The following RARB variants were observed in gnomAD, a reference collection of about 807,000 sequenced individuals.
RARB encodes the protein HBV-activated protein.
A neutral mutation model predicts 51.9 loss-of-function variants in RARB; 17 were observed. The ratio of observed to expected loss-of-function variants is 0.33; its 90% CI spans 0.22 to 0.49. The LOEUF is 0.49. Ranked by LOEUF, RARB falls within the 20% of genes least tolerant of loss-of-function variation. The pLI, the probability that RARB is intolerant of heterozygous loss-of-function variation, is 0.99. For synonymous variants in RARB, 215 were observed against 195.4 expected (o/e 1.10, Z -0.84); for missense variants, 369 against 550.8 (o/e 0.67, Z 3.30).
At chr3:25,242,624 G>A (rs1702460415) in intron 5 of RARB, among the ~76,000 whole-genome samples, 1 of 152,044 alleles carries the variant, frequency 6.6e-6, no homozygotes, top group African/African-American at 2.4e-5. Flanking sequence ...TTGTAGATGT[G>A]TGGCGTTATT....
At chr3:25,198,373 C>A (rs1375985447) in intron 5 of RARB, among the ~76,000 whole-genome samples, 1 of 152,022 alleles carries the variant, frequency 6.6e-6, no homozygotes, top group Non-Finnish European at 1.5e-5. Flanking sequence ...GCAAAGATAT[C>A]TTGAGCAATA....
At chr3:25,041,760 T>G (rs1698119233) in intron 2 of RARB, among the ~76,000 whole-genome samples, 1 of 152,114 alleles carries the variant, frequency 6.6e-6, no homozygotes, top group Admixed American at 6.5e-5. Context: ...ATTAAAACAT[T>G]ATTGAATGCA....
intron 2 of RARB, among the ~76,000 whole-genome samples, chr3:25,042,226 T>A (rs1698128647): frequency 6.6e-6 from 1 of 152,206 alleles, no homozygotes; most frequent in Non-Finnish European, 1.5e-5. Flanking sequence ...ATTTTTAAAA[T>A]TTTGTATGGC....
At chr3:25,064,246 T>C (rs1257734372) in intron 3 of RARB, among the ~76,000 whole-genome samples, 1 of 152,144 alleles carries the variant, frequency 6.6e-6, no homozygotes, top group Non-Finnish European at 1.5e-5. Flanking sequence ...TGGCAATAGA[T>C]TTCCATTTTT....
intron 2 of RARB, among the ~76,000 whole-genome samples, chr3:24,926,854 C>T (rs1268083101): frequency 1.3e-5 from 2 of 152,040 alleles, no homozygotes; most frequent in East Asian, 3.9e-4. Flanking sequence ...TTAATATATA[C>T]TCCCATCATT....
intron 2 of RARB, among the ~76,000 whole-genome samples, chr3:24,876,057 C>G (rs1206457839): frequency 6.6e-6 from 1 of 152,126 alleles, no homozygotes; most frequent in Non-Finnish European, 1.5e-5. Flanking sequence ...ATATTTTTAA[C>G]TAGAGTTCCA....
At chr3:24,906,554 C>G (rs1694867968) in intron 2 of RARB, among the ~76,000 whole-genome samples, 1 of 152,056 alleles carries the variant, frequency 6.6e-6, no homozygotes, top group Non-Finnish European at 1.5e-5. Context: ...ATCTTTAAAG[C>G]TACGCTGGCT....
rs551475273 is a variant in RARB at position 25,068,964 on chromosome 3, C to T, written c.-328+8788C>T. Among the ~76,000 whole-genome samples, 260 of 151,478 alleles carry T rather than the reference C, an allele frequency of 1.7e-3. 1 individual carries two copies. The highest frequency in any genetic ancestry group is 2.4e-3 in the Non-Finnish European group (165 of 67,892). ...ATTGCATTCAGCCCTCAAGCAGATACACAATTACCCTAAACCCAGTTCAGG... is the reference window on the plus strand; with the variant it reads ...ATTGCATTCAGCCCTCAAGCAGATATACAATTACCCTAAACCCAGTTCAGG... On this transcript the variant is annotated intron_variant, in intron 3 of 11. Coordinates refer to the RARB transcript ENST00000383772.
Position 25,042,290 on chromosome 3 carries a change from G to T in RARB, c.-379-17835G>T, listed in dbSNP as rs182920734. On this transcript the variant is annotated intron_variant, in intron 2 of 11. Coordinates refer to the RARB transcript ENST00000383772. ...CATCAACAGGTCTACTAATTAAACA[G>T]ATATGAAAGCACAGTGTTTATTTCA... 1.8e-4 allele frequency among the ~76,000 whole-genome samples: 28 copies of T among 152,322 alleles called. No individual in the cohort carries two copies. In the East Asian group the frequency reaches 3.9e-3, roughly 21 times the overall value.
chr3:25,323,729 C>T (rs1003335829), intron 5 of RARB, among the ~76,000 whole-genome samples: 4 of 152,026 alleles, frequency 2.6e-5, no homozygotes, highest in Admixed American at 2.0e-4. Flanking sequence ...TATGCCCACA[C>T]GAAGATGAAG....
At chr3:25,047,562 T>G (rs1387959061) in intron 2 of RARB, among the ~76,000 whole-genome samples, 1 of 152,202 alleles carries the variant, frequency 6.6e-6, no homozygotes, top group Non-Finnish European at 1.5e-5. Context: ...TAGAGGCCAT[T>G]GTGTACATGG....
chr3:25,175,191 A>C (rs1282501883), intron 5 of RARB, among the ~76,000 whole-genome samples: 1 of 152,238 alleles, frequency 6.6e-6, no homozygotes, highest in Non-Finnish European at 1.5e-5. Context: ...GAATTCTCCA[A>C]GACTGATATG....
At chr3:25,494,148 C>A (rs370695354) in intron 2 of RARB, among the ~76,000 whole-genome samples, 2 of 152,194 alleles carry the variant, frequency 1.3e-5, no homozygotes, top group African/African-American at 2.4e-5. Flanking sequence ...TGACTCTAGC[C>A]CTCTACTGCA....
chr3:24,967,679 T>C (rs568745506), intron 2 of RARB, among the ~76,000 whole-genome samples: 1 of 152,294 alleles, frequency 6.6e-6, no homozygotes, highest in East Asian at 1.9e-4. Context: ...TATAGCACTA[T>C]CAAAGTTTCC....
At chr3:25,470,242 T>G (rs991991730) in intron 2 of RARB, among the ~76,000 whole-genome samples, 1 of 152,092 alleles carries the variant, frequency 6.6e-6, no homozygotes, top group Non-Finnish European at 1.5e-5. Flanking sequence ...ACAAAAAGTT[T>G]TTAAGTACGT....
At chr3:24,857,345 C>G (rs531773571) in intron 1 of RARB, among the ~76,000 whole-genome samples, 24 of 152,272 alleles carry the variant, frequency 1.6e-4, no homozygotes, top group Non-Finnish European at 2.6e-4. Flanking sequence ...CTAAACTTTT[C>G]CTCCACTGCT....
chr3:25,281,212 G>C (rs1467978577), intron 5 of RARB, among the ~76,000 whole-genome samples: 1 of 152,158 alleles, frequency 6.6e-6, no homozygotes, highest in Non-Finnish European at 1.5e-5. Context: ...CAAGAAATTT[G>C]GGAATGGAGC....
intron 5 of RARB, among the ~76,000 whole-genome samples, chr3:25,582,292 A>G (rs1334149570): frequency 6.6e-6 from 1 of 152,176 alleles, no homozygotes; most frequent in Non-Finnish European, 1.5e-5. Flanking sequence ...ACCTCATAAC[A>G]CTTCCAAGAT....
chr3:25,508,580 C>T (rs1697726562), intron 3 of RARB, among the ~76,000 whole-genome samples: 1 of 152,150 alleles, frequency 6.6e-6, no homozygotes, highest in African/African-American at 2.4e-5. Flanking sequence ...TAAAAATCAT[C>T]ATCAGGGCAC....
Sources: gnomAD v4.1 joint callset for allele counts (sites outside exome capture counted in the v4.1 genomes callset) on GRCh38, gnomAD v4.1.1 for gene constraint, MANE v1.5 for transcripts, NCBI Gene and HGNC (gene_info 2026-07-23, HGNC 2026-07-21) for gene names.